The following HS6ST3 variants were observed in gnomAD, a reference collection of about 807,000 sequenced individuals.
HS6ST3 encodes the protein heparan-sulfate 6-O-sulfotransferase 3.
A neutral mutation model predicts 36.7 loss-of-function variants in HS6ST3; 12 were observed. The observed-to-expected ratio is 0.33, with a 90% confidence interval of 0.21 to 0.53. HS6ST3 has a LOEUF of 0.53. Among genes scored for constraint, HS6ST3 ranks in the 20% least tolerant of loss-of-function variants. HS6ST3 has a pLI of 0.95. For missense variants in HS6ST3, 584 were observed against 640.9 expected, an observed-to-expected ratio of 0.91 and a Z score of 0.96; for synonymous variants, 240 against 257.5, an observed-to-expected ratio of 0.93 and a Z score of 0.65.
At chr13:96,714,725 G>A (rs1875648854) in intron 1 of HS6ST3, among the ~76,000 whole-genome samples, 1 of 152,044 alleles carries the variant, frequency 6.6e-6, no homozygotes, top group South Asian at 2.1e-4. Context: ...TTAAAAAAGG[G>A]TCTTGCTATG....
At chr13:96,148,025 C>A (rs911508085) in intron 1 of HS6ST3, among the ~76,000 whole-genome samples, 5 of 152,144 alleles carry the variant, frequency 3.3e-5, no homozygotes, top group African/African-American at 4.8e-5. Flanking sequence ...TCACTGATGA[C>A]CCAAAAATTG....
intron 1 of HS6ST3, among the ~76,000 whole-genome samples, chr13:96,737,855 A>G (rs974855589): frequency 2.6e-5 from 4 of 151,886 alleles, no homozygotes; most frequent in Non-Finnish European, 4.4e-5. Context: ...CCCCCCTCCC[A>G]TCTTCAAGCC....
chr13:96,564,214 C>T (rs191962489), intron 1 of HS6ST3, among the ~76,000 whole-genome samples: 340 of 152,288 alleles, frequency 2.2e-3, no homozygotes, highest in Middle Eastern at 6.8e-3. Context: ...TAGAACTTTT[C>T]TTCTACCTAT....
At chr13:96,765,337 G>A (rs953655906) in intron 1 of HS6ST3, among the ~76,000 whole-genome samples, 1 of 152,010 alleles carries the variant, frequency 6.6e-6, no homozygotes, top group African/African-American at 2.4e-5. Flanking sequence ...CTCCCAAAGT[G>A]CTGGGATTAC....
intron 1 of HS6ST3, among the ~76,000 whole-genome samples, chr13:96,321,997 G>GAA (rs34643797): frequency 1.0e-4 from 15 of 145,748 alleles, no homozygotes; most frequent in African/African-American, 2.5e-4. Flanking sequence ...TGACTTCACT[G>GAA]AAAAAAAAAA....
intron 1 of HS6ST3, among the ~76,000 whole-genome samples, chr13:96,401,199 C>A (rs1438121064): frequency 6.6e-6 from 1 of 152,110 alleles, no homozygotes; most frequent in Non-Finnish European, 1.5e-5. Context: ...CTGCTTTTCC[C>A]CCCTAATTGA....
intron 1 of HS6ST3, among the ~76,000 whole-genome samples, chr13:96,728,622 G>T (rs769503869): frequency 5.9e-5 from 9 of 152,152 alleles, no homozygotes. Context: ...CAATGATCTA[G>T]CATTCTTTTT....
At chr13:96,100,665 C>T (rs1486102670) in intron 1 of HS6ST3, among the ~76,000 whole-genome samples, 1 of 152,126 alleles carries the variant, frequency 6.6e-6, no homozygotes, top group East Asian at 1.9e-4. Context: ...AGTGGGAGTG[C>T]TTTCTCCTCC....
chr13:96,143,083 TC>T (rs1446521774), intron 1 of HS6ST3, among the ~76,000 whole-genome samples: 1 of 152,142 alleles, frequency 6.6e-6, no homozygotes, highest in Non-Finnish European at 1.5e-5. Flanking sequence ...TCATTCACTA[TC>T]ATAACATAAT....
intron 1 of HS6ST3, among the ~76,000 whole-genome samples, chr13:96,402,432 T>G (rs1051984665): frequency 6.6e-6 from 1 of 152,180 alleles, no homozygotes; most frequent in Non-Finnish European, 1.5e-5. Context: ...CAGTTTTAGG[T>G]CTGTATTTAG....
intron 1 of HS6ST3, among the ~76,000 whole-genome samples, chr13:96,368,512 T>TTA (rs2055274376): frequency 7.2e-6 from 1 of 138,656 alleles, no homozygotes; most frequent in African/African-American, 2.7e-5. Flanking sequence ...CTTTTTTTTT[T>TTA]AAAAAAAAAA....
chr13:96,380,727 ATACT>A (rs2055336818), intron 1 of HS6ST3, among the ~76,000 whole-genome samples: 1 of 152,246 alleles, frequency 6.6e-6, no homozygotes, highest in Non-Finnish European at 1.5e-5. Context: ...GTAGCTACTG[ATACT>A]TAATATGTTT....
chr13:96,254,449 ATATATATATATATATATATATATAT>A (rs1419435050), intron 1 of HS6ST3, among the ~76,000 whole-genome samples: 3 of 3,724 alleles, frequency 8.1e-4, no homozygotes, highest in Non-Finnish European at 1.5e-3. Context: ...AAAAAAAAAA[ATATATATATATATATATATATATAT>A]ATATATATAT....
rs1566322129 is a variant in HS6ST3, at chr13:96,317,358, AT to A, written c.707+225790del. 2.7e-3 allele frequency among the ~76,000 whole-genome samples: 85 copies of A among 31,854 alleles called. 3 individuals are homozygous for A. Among genetic ancestry groups the A allele is most frequent in the Admixed American group, 0.011 (25 of 2,368 alleles). 20.9% of individuals were successfully genotyped at this position (31,854 alleles called of 152,430 possible). A position where few individuals can be genotyped will look rare whatever the true frequency, so the allele number is the denominator to read the frequency against. ...TATATATATATATATATATATATAT[AT>A]ATATATATAAAATTATATATATATA... On this transcript the variant is annotated intron_variant, in intron 1 of 1. Coordinates refer to ENST00000376705, the MANE Select transcript of HS6ST3 (RefSeq NM_153456.4).
chr13:96,222,552 A>C (rs1264018644), intron 1 of HS6ST3, among the ~76,000 whole-genome samples: 2 of 152,244 alleles, frequency 1.3e-5, no homozygotes, highest in East Asian at 3.9e-4. Flanking sequence ...TGCCCACTGA[A>C]ATAACACCAG....
At chr13:96,243,265 A>G (rs2054569752) in intron 1 of HS6ST3, among the ~76,000 whole-genome samples, 2 of 152,210 alleles carry the variant, frequency 1.3e-5, no homozygotes, top group African/African-American at 4.8e-5. Flanking sequence ...TATATGGCAA[A>G]TATTAGTGCT....
intron 1 of HS6ST3, among the ~76,000 whole-genome samples, chr13:96,704,467 T>C (rs1594840702): frequency 6.6e-6 from 1 of 152,204 alleles, no homozygotes; most frequent in Admixed American, 6.5e-5. Context: ...TAATTGTAGA[T>C]TAATAAATTA....
At chr13:96,717,212 G>T (rs1875721569) in intron 1 of HS6ST3, among the ~76,000 whole-genome samples, 2 of 152,140 alleles carry the variant, frequency 1.3e-5, no homozygotes, top group Non-Finnish European at 2.9e-5. Context: ...TATAGAGTAG[G>T]GACACTTGTG....
intron 1 of HS6ST3, among the ~76,000 whole-genome samples, chr13:96,792,196 AAG>A (rs1241455287): frequency 1.3e-5 from 2 of 152,024 alleles, no homozygotes; most frequent in Non-Finnish European, 2.9e-5. Context: ...TCTTTGTGAA[AAG>A]AGATTGCCCA....
Sources: gnomAD v4.1 joint callset for allele counts (sites outside exome capture counted in the v4.1 genomes callset) on GRCh38, gnomAD v4.1.1 for gene constraint, MANE v1.5 for transcripts, NCBI Gene and HGNC (gene_info 2026-07-23, HGNC 2026-07-21) for gene names.